Variants in TXN observed in about 807,000 individuals in gnomAD.
TXN encodes ADF.
Under a neutral mutation model 16.5 loss-of-function variants are expected in TXN, and 10 were observed. The observed-to-expected ratio is 0.61, with a 90% CI of 0.37 to 1.03. TXN has a LOEUF of 1.03. Ranked by LOEUF, TXN falls within the 50% of genes least tolerant of loss-of-function variation. The probability of loss-of-function intolerance (pLI) is 0.01; values close to 1 mark genes in which losing one functional copy is unlikely to be tolerated. For missense variants in TXN, 71 were observed against 122.5 expected, an observed-to-expected ratio of 0.58 and a Z score of 1.98; for synonymous variants, 35 against 39.4, an observed-to-expected ratio of 0.89 and a Z score of 0.42.
At chr9:110,251,295 C>T (rs1040249453) in intron 2 of TXN, 63 bp downstream of exon 2, 1 of 1,217,420 alleles carries the variant, frequency 8.2e-7, no homozygotes, top group Non-Finnish European at 1.2e-6. Flanking sequence ...TCTTTCCTAC[C>T]ACTGTGACCA....
Position 110,244,019 on chromosome 9 carries a change from TA to T in TXN, c.*137del. The stretch of plus-strand genomic sequence containing the variant: ...AAGCTATTCAGACATGAGACGGTTT[TA>T]AAAAGTGTTAGCATTAATGTTTTAT... On this transcript the variant is annotated 3_prime_UTR_variant, in exon 5 of 5. Coordinates refer to ENST00000374517, the MANE Select transcript of TXN (RefSeq NM_003329.4). 2.7e-6 allele frequency: 1 copy of T among 375,746 alleles called. No individual in the cohort carries two copies. Among genetic ancestry groups the T allele is most frequent in the Non-Finnish European group, 4.8e-6 (1 of 206,666 alleles). The allele number at this position is 375,746 out of a possible 1,614,324, so 23.3% of individuals were successfully genotyped here.
chr9:110,252,599 T>A (rs1837755384), intron 1 of TXN, among the ~76,000 whole-genome samples: 1 of 152,220 alleles, frequency 6.6e-6, no homozygotes, highest in Non-Finnish European at 1.5e-5. Flanking sequence ...ACTATCTAGA[T>A]ACTGTAACCC....
In TXN at chr9:110,249,332, C is replaced by G. The variant is rs4135196; in HGVS notation, c.189+1488G>C. Among the ~76,000 whole-genome samples, 535 of 150,394 alleles carry G rather than the reference C, an allele frequency of 3.6e-3. 3 individuals are homozygous for G. Among genetic ancestry groups the G allele is most frequent in the African/African-American group, 0.012 (493 of 40,890 alleles). On this transcript the variant is annotated intron_variant, in intron 3 of 4. Transcript: ENST00000374517. ...TAAAAAAAAAAAAACAACTCTGGGA[C>G]ACATCTAGAATAGTAACTTAACAAC...
In TXN at chr9:110,251,212, ATAC is replaced by A. The variant is rs1307130279; in HGVS notation, c.129+143_129+145del. On this transcript the variant is annotated intron_variant, in intron 2 of 4. Coordinates refer to ENST00000374517, the MANE Select transcript of TXN (RefSeq NM_003329.4). Reference sequence around the variant, plus strand: ...ATGTATCAAACCTAAATTATTTGTTATACTACTACTTTTAGACCAAAGATCCAG... The same window carrying A: ...ATGTATCAAACCTAAATTATTTGTTATACTACTTTTAGACCAAAGATCCAG... 18 of 677,350 alleles carry A rather than the reference ATAC, an allele frequency of 2.7e-5. No homozygotes were observed. In the South Asian group the frequency reaches 3.1e-4, roughly 11 times the overall value. 42.0% of individuals were successfully genotyped at this position (677,350 alleles called of 1,614,324 possible). A position where few individuals can be genotyped will look rare whatever the true frequency, so the allele number is the denominator to read the frequency against.
chr9:110,253,257 A>AT (rs1837764691), intron 1 of TXN, among the ~76,000 whole-genome samples: 1 of 152,180 alleles, frequency 6.6e-6, no homozygotes, highest in African/African-American at 2.4e-5. Context: ...TAATTCACAA[A>AT]TGGTGTTCCT....
intron 3 of TXN, among the ~76,000 whole-genome samples, chr9:110,248,088 C>A (rs145339001): frequency 3.9e-4 from 60 of 151,924 alleles, no homozygotes; most frequent in African/African-American, 1.4e-3. Context: ...TAGAGCTGTA[C>A]AATGCATTCG....
intron 3 of TXN, 65 bp downstream of exon 3, chr9:110,250,753 CTG>C (rs1238664188): frequency 7.7e-6 from 9 of 1,171,442 alleles, no homozygotes; most frequent in Non-Finnish European, 1.0e-5. Context: ...GAAAAAAGCA[CTG>C]TGCAATTCAG....
chr9:110,255,447 T>C (rs1174437908), intron 1 of TXN, among the ~76,000 whole-genome samples: 1 of 152,218 alleles, frequency 6.6e-6, no homozygotes, highest in Non-Finnish European at 1.5e-5. Flanking sequence ...CCTTGGGCAT[T>C]TTTAAGAGGA....
Position 110,244,778 on chromosome 9 carries a change from C to T in TXN, c.255G>A (p.Lys85=). Residue 85 remains lysine, a splice_region_variant and synonymous_variant, in exon 4 of 5, where the codon AAG becomes AAA. Coordinates refer to ENST00000374517, the MANE Select transcript of TXN (RefSeq NM_003329.4). ...PTFQFFKKGQ[K]VGEFSGANKE... is the part of the protein sequence containing the mutation. Reference sequence around the variant, plus strand: ...AGTTTTAAAGGTCAGATGTACGTACCTTTTGTCCCTTCTTAAAAAACTGGA... The same window carrying T: ...AGTTTTAAAGGTCAGATGTACGTACTTTTTGTCCCTTCTTAAAAAACTGGA... The T allele has an allele frequency of 6.2e-7, 1 of 1,612,046 alleles. No homozygotes were observed. The highest frequency in any genetic ancestry group is 8.5e-7 in the Non-Finnish European group (1 of 1,178,512).
Position 110,250,857 on chromosome 9 carries a change from T to C in TXN, c.152A>G (p.Asn51Ser), listed in dbSNP as rs756083028. 17 of 1,610,746 alleles carry C rather than the reference T, an allele frequency of 1.1e-5. No individual in the cohort carries two copies. The Admixed American group carries it at 1.5e-4, about 14-fold the overall frequency. ...CACATCTACTTCAAGGAATATCACG[T>C]TGGAATACTTTTCAGAGAGGGACTG... Reference protein sequence around the residue: ...FFHSLSEKYSNVIFLEVDVDD... With the variant: ...FFHSLSEKYSSVIFLEVDVDD... Residue 51 changes from asparagine (N) to serine (S), a missense_variant, in exon 3 of 5, where the codon AAC becomes AGC. Coordinates refer to ENST00000374517, the MANE Select transcript of TXN (RefSeq NM_003329.4).
At chr9:110,255,868 C>T (rs1048541343) in intron 1 of TXN, among the ~76,000 whole-genome samples, 4 of 152,242 alleles carry the variant, frequency 2.6e-5, no homozygotes, top group Non-Finnish European at 2.9e-5. Context: ...ATCACTACCC[C>T]CGCTGCGGGT....
intron 1 of TXN, among the ~76,000 whole-genome samples, chr9:110,254,905 G>C (rs1392228758): frequency 6.6e-6 from 1 of 152,072 alleles, no homozygotes; most frequent in Non-Finnish European, 1.5e-5. Context: ...CCCTTCCCCA[G>C]GAATGGATTA....
chr9:110,244,536 C>G (rs1165758678), intron 4 of TXN, among the ~76,000 whole-genome samples: 1 of 151,998 alleles, frequency 6.6e-6, no homozygotes, highest in Non-Finnish European at 1.5e-5. Context: ...ATGAACTGCC[C>G]AAGTCTAAGA....
intron 2 of TXN, among the ~76,000 whole-genome samples, chr9:110,251,148 G>T (rs1372999122): frequency 1.3e-5 from 2 of 151,970 alleles, no homozygotes; most frequent in African/African-American, 4.8e-5. Flanking sequence ...AACTATTTAA[G>T]ACAAAATTAA....
chr9:110,250,687 T>TGA, intron 3 of TXN, 133 bp downstream of exon 3: 1 of 760,442 alleles, frequency 1.3e-6, no homozygotes, highest in East Asian at 2.8e-5. Context: ...CCTGCTCTTC[T>TGA]GAGATAGAAC....
At chr9:110,252,325 C>T (rs938787384) in intron 1 of TXN, among the ~76,000 whole-genome samples, 1 of 150,822 alleles carries the variant, frequency 6.6e-6, no homozygotes, top group Non-Finnish European at 1.5e-5. Flanking sequence ...CAAGGAAACT[C>T]ACCTTTCCCA....
At chr9:110,244,900 T>C in intron 3 of TXN, 57 bp from the exon 4 acceptor site, 1 of 1,457,910 alleles carries the variant, frequency 6.9e-7, no homozygotes, top group East Asian at 2.3e-5. Context: ...AGTACTGAGC[T>C]TTGACAGAAG....
At chr9:110,251,241 C>T (rs1837729319) in intron 2 of TXN, 117 bp downstream of exon 2, 3 of 757,546 alleles carry the variant, frequency 4.0e-6, no homozygotes, top group Non-Finnish European at 7.0e-6. Flanking sequence ...AAAGATCCAG[C>T]CAAAGAAATC....
At position 110,256,369 on chromosome 9, in the gene TXN, C is replaced by T. The variant is rs1254211963; in HGVS notation, c.24+43G>A. 2.4e-5 allele frequency: 38 copies of T among 1,592,692 alleles called. No individual in the cohort carries two copies. Among genetic ancestry groups the T allele is most frequent in the Admixed American group, 1.9e-4 (11 of 57,306 alleles). On this transcript the variant is annotated intron_variant, in intron 1 of 4. Coordinates refer to ENST00000374517, the MANE Select transcript of TXN (RefSeq NM_003329.4). The surrounding 1 kb of genome is among the most constrained non-coding windows in gnomAD (Gnocchi z 4.2). ...CACCGCCTTCCCCAGTTACAGAGGCCGCGCGCGGCGCCGGCACCCTGGCCT... is the reference window on the plus strand; with the variant it reads ...CACCGCCTTCCCCAGTTACAGAGGCTGCGCGCGGCGCCGGCACCCTGGCCT...
Sources: allele counts gnomAD v4.1 joint callset (sites outside exome capture counted in the v4.1 genomes callset), GRCh38; gene constraint gnomAD v4.1.1; non-coding constraint Gnocchi (gnomAD v3.1); transcripts MANE v1.5; gene names NCBI Gene and HGNC (gene_info 2026-07-23, HGNC 2026-07-21).